DPP10: variants seen among roughly 807,000 people sequenced by gnomAD.
DPP10 encodes dipeptidyl peptidase like 10.
Under a neutral mutation model 120.9 loss-of-function variants are expected in DPP10, and 33 were observed. The observed-to-expected ratio is 0.27, with a 90% CI of 0.21 to 0.37. The LOEUF is 0.37. Ranked by LOEUF, DPP10 falls within the 10% of genes least tolerant of loss-of-function variation. The probability of loss-of-function intolerance (pLI) is 1.00; values close to 1 mark genes in which losing one functional copy is unlikely to be tolerated. For missense variants in DPP10, 816 were observed against 942.8 expected (o/e 0.87, Z 1.76); for synonymous variants, 337 against 326.1 (o/e 1.03, Z -0.36).
intron 1 of DPP10, among the ~76,000 whole-genome samples, chr2:114,727,908 C>G (rs187873021): frequency 6.6e-6 from 1 of 152,164 alleles, no homozygotes; most frequent in Admixed American, 6.5e-5. Flanking sequence ...ACTTAAAAAC[C>G]CTCATTTAAT....
intron 2 of DPP10, among the ~76,000 whole-genome samples, chr2:115,324,015 GA>G (rs2062206732): frequency 6.6e-6 from 1 of 152,122 alleles, no homozygotes; most frequent in East Asian, 1.9e-4. Context: ...CCTCTCCTTT[GA>G]AGCTTTGAAA....
chr2:115,511,381 A>G (rs2077214453), intron 4 of DPP10, among the ~76,000 whole-genome samples: 1 of 152,270 alleles, frequency 6.6e-6, no homozygotes, highest in African/African-American at 2.4e-5. Context: ...GTATTCTGTT[A>G]CATGTTCATT....
At chr2:115,529,541 C>T (rs1049758795) in intron 5 of DPP10, among the ~76,000 whole-genome samples, 10 of 151,362 alleles carry the variant, frequency 6.6e-5, no homozygotes, top group East Asian at 3.9e-4. Flanking sequence ...TCTTTTACCC[C>T]GAACAAGGTA....
At chr2:115,772,098 C>T (rs1681548613) in intron 13 of DPP10, among the ~76,000 whole-genome samples, 1 of 151,894 alleles carries the variant, frequency 6.6e-6, no homozygotes, top group South Asian at 2.1e-4. Context: ...CTCCAGTCTT[C>T]ATTTAAACAT....
intron 1 of DPP10, among the ~76,000 whole-genome samples, chr2:115,288,543 C>G (rs964758159): frequency 6.6e-6 from 1 of 151,772 alleles, no homozygotes; most frequent in Non-Finnish European, 1.5e-5. Flanking sequence ...CATAGTGAAA[C>G]GCTATCTCTA....
chr2:115,793,838 CA>C (rs899964260), intron 19 of DPP10, among the ~76,000 whole-genome samples: 32 of 151,816 alleles, frequency 2.1e-4, no homozygotes, highest in African/African-American at 7.5e-4. Flanking sequence ...ATGTGACTTA[CA>C]AAATCCAAAA....
intron 5 of DPP10, among the ~76,000 whole-genome samples, chr2:115,559,254 A>G (rs1037220903): frequency 3.3e-5 from 5 of 152,198 alleles, no homozygotes; most frequent in African/African-American, 1.2e-4. Context: ...TATGAAAGCC[A>G]TATGAAAGGC....
intron 4 of DPP10, among the ~76,000 whole-genome samples, chr2:115,501,199 T>C (rs903710245): frequency 1.3e-5 from 2 of 152,082 alleles, no homozygotes; most frequent in Non-Finnish European, 2.9e-5. Flanking sequence ...TATGTGGCTG[T>C]GCCTCATTAA....
chr2:114,859,366 CAAAAA>C (rs58306246), intron 1 of DPP10, among the ~76,000 whole-genome samples: 5 of 129,976 alleles, frequency 3.8e-5, no homozygotes, highest in South Asian at 2.5e-4. Flanking sequence ...GAAACTCCGT[CAAAAA>C]AAAAAAAAAA....
chr2:115,010,020 G>A (rs2105080611), intron 1 of DPP10, among the ~76,000 whole-genome samples: 1 of 152,154 alleles, frequency 6.6e-6, no homozygotes, highest in East Asian at 1.9e-4. Context: ...AAACATAATT[G>A]AATATTTTTG....
chr2:115,725,840 T>C (rs1559078292), intron 7 of DPP10, among the ~76,000 whole-genome samples: 1 of 152,198 alleles, frequency 6.6e-6, no homozygotes, highest in Admixed American at 6.5e-5. Context: ...CTGTGTTGTA[T>C]ACTGTTTGTG....
chr2:115,614,655 C>T (rs1355088358), intron 5 of DPP10, among the ~76,000 whole-genome samples: 1 of 152,168 alleles, frequency 6.6e-6, no homozygotes, highest in Non-Finnish European at 1.5e-5. Context: ...AAACTCCTGA[C>T]CTCAGGTGAT....
intron 1 of DPP10, among the ~76,000 whole-genome samples, chr2:115,033,607 A>G (rs966363388): frequency 7.2e-5 from 11 of 152,086 alleles, no homozygotes; most frequent in Non-Finnish European, 1.6e-4. Context: ...AAATAGAGTA[A>G]TAAATTTCTG....
At chr2:115,328,318 T>C (rs1013022908) in intron 2 of DPP10, among the ~76,000 whole-genome samples, 1 of 152,086 alleles carries the variant, frequency 6.6e-6, no homozygotes, top group African/African-American at 2.4e-5. Flanking sequence ...TCAGGAGATG[T>C]TAATTTGAAA....
intron 1 of DPP10, among the ~76,000 whole-genome samples, chr2:114,497,823 G>A (rs1682811875): frequency 6.6e-6 from 1 of 152,160 alleles, no homozygotes; most frequent in African/African-American, 2.4e-5. Context: ...GAAGCCAAAA[G>A]TACAGGCACC....
At chr2:115,770,499 G>T (rs183328255) in intron 13 of DPP10, among the ~76,000 whole-genome samples, 2 of 151,934 alleles carry the variant, frequency 1.3e-5, no homozygotes, top group East Asian at 3.9e-4. Flanking sequence ...ATTGAGAAAT[G>T]AACATGACTG....
At chr2:115,237,890 A>G (rs1054326616) in intron 1 of DPP10, among the ~76,000 whole-genome samples, 4 of 152,222 alleles carry the variant, frequency 2.6e-5, no homozygotes, top group African/African-American at 9.6e-5. Context: ...CATGAGGTTT[A>G]AGGAAAGACA....
intron 1 of DPP10, among the ~76,000 whole-genome samples, chr2:114,903,405 G>T (rs1054064239): frequency 6.6e-6 from 1 of 152,180 alleles, no homozygotes; most frequent in Non-Finnish European, 1.5e-5. Context: ...CACCAGTAAT[G>T]AATAAGAGAG....
chr2:114,570,102 T>C (rs1246735350), intron 1 of DPP10, among the ~76,000 whole-genome samples: 1 of 152,162 alleles, frequency 6.6e-6, no homozygotes, highest in Non-Finnish European at 1.5e-5. Context: ...TTCTCTTCTT[T>C]CCTCTCAGCA....
Sources: allele counts gnomAD v4.1 joint callset (sites outside exome capture counted in the v4.1 genomes callset), GRCh38; gene constraint gnomAD v4.1.1; transcripts MANE v1.5; gene names NCBI Gene and HGNC (gene_info 2026-07-23, HGNC 2026-07-21).